The following GP6 variants were observed in gnomAD, a reference collection of about 807,000 sequenced individuals.
GP6 encodes platelet glycoprotein VI.
In GP6, 45 loss-of-function variants were observed where a neutral mutation model predicts 37.3. That is an observed-to-expected ratio of 1.21 (90% CI 0.95 to 1.55). The LOEUF (loss-of-function observed/expected upper bound fraction) is 1.55. Among genes scored for constraint, GP6 ranks in the 40% most tolerant of loss-of-function variants. The pLI is 0.00. For missense variants in GP6, 813 were observed against 760.2 expected (o/e 1.07, Z -0.82); for synonymous variants, 340 against 316.4 (o/e 1.07, Z -0.79).
chr19:55,024,354 A>ACACACATGCACG (rs1568613560), intron 5 of GP6, among the ~76,000 whole-genome samples: 6 of 123,690 alleles, frequency 4.9e-5, no homozygotes, highest in Non-Finnish European at 7.7e-5. Flanking sequence ...ACATGCACGC[A>ACACACATGCACG]CACACACATA....
chr19:55,015,219 C>T, intron 7 of GP6, 54 bp from the exon 8 acceptor site: 3 of 1,549,980 alleles, frequency 1.9e-6, no homozygotes, highest in Non-Finnish European at 2.6e-6. Context: ...TCCAGGACCC[C>T]CTCCAAGCCA....
intron 1 of GP6, among the ~76,000 whole-genome samples, chr19:55,033,756 G>A (rs1337206973): frequency 1.3e-5 from 2 of 152,044 alleles, no homozygotes; most frequent in Non-Finnish European, 2.9e-5. Flanking sequence ...TGTAATATAT[G>A]CGATAAAACC....
rs749686530 is a variant in GP6, at chr19:55,032,339, T to C, written c.125A>G (p.Lys42Arg). 3.1e-6 allele frequency: 5 copies of C among 1,614,026 alleles called. No homozygotes were observed. In the East Asian group the frequency reaches 8.9e-5, roughly 29 times the overall value. Residue 42 changes from lysine (K) to arginine (R), a missense_variant, in exon 3 of 8, where the codon AAG becomes AGG. Lys to Arg is a conservative substitution (Grantham distance 26). Transcript: ENST00000310373. Reference sequence around the variant, plus strand: ...TCCCTGGCACCGGAGGGTCACTGGCTTCTCCAGGGGCACCAGGGAGCTGGG... The same window carrying C: ...TCCCTGGCACCGGAGGGTCACTGGCCTCTCCAGGGGCACCAGGGAGCTGGG...
chr19:55,024,318 A>ACACATG (rs1568613039), intron 5 of GP6, among the ~76,000 whole-genome samples: 1 of 124,046 alleles, frequency 8.1e-6, no homozygotes, highest in Admixed American at 8.4e-5. Flanking sequence ...ATATGCACGC[A>ACACATG]CACACACATA....
chr19:55,032,110 G>A, intron 3 of GP6, 29 bp downstream of exon 3: 1 of 1,610,490 alleles, frequency 6.2e-7, no homozygotes, highest in South Asian at 1.1e-5. Flanking sequence ...GGACCACGCA[G>A]TCCCAGGCTC....
At position 55,032,194 on chromosome 19, in the gene GP6, G is replaced by C. The variant is rs1187010089; in HGVS notation, c.270C>G (p.Tyr90Ter). ...GCAGGGACCAGAGGCTTCCGTTCTG[G>C]TAGGAGCAGCGGTAGCGTCCAGCCA... The change falls in exon 3 of 8, where the codon TAC becomes TAG. Residue 90 changes from tyrosine to a stop codon, truncating the protein, a stop_gained. Coordinates refer to ENST00000310373, the MANE Select transcript of GP6 (RefSeq NM_001083899.2). LOFTEE classifies it high-confidence loss of function. The C allele has an allele frequency of 5.0e-6, 8 of 1,614,028 alleles. No individual in the cohort carries two copies. In the East Asian group the frequency reaches 1.6e-4, roughly 31 times the overall value.
intron 3 of GP6, among the ~76,000 whole-genome samples, 178 bp downstream of exon 3, chr19:55,031,961 A>T (rs2074573140): frequency 6.6e-6 from 1 of 152,184 alleles, no homozygotes; most frequent in South Asian, 2.1e-4. Context: ...TGACGCAGCA[A>T]GACCCTGTGT....
At chr19:55,020,257 G>A (rs913834784) in intron 5 of GP6, among the ~76,000 whole-genome samples, 5 of 150,402 alleles carry the variant, frequency 3.3e-5, no homozygotes, top group Non-Finnish European at 7.4e-5. Flanking sequence ...TGTGCAGGAC[G>A]TGCAGGTTTG....
At chr19:55,026,912 C>T (rs2074326930) in intron 4 of GP6, among the ~76,000 whole-genome samples, 1 of 151,936 alleles carries the variant, frequency 6.6e-6, no homozygotes, top group African/African-American at 2.4e-5. Flanking sequence ...CCTCCATTCT[C>T]CCAGCTGCCT....
Position 55,013,861 on chromosome 19 carries a change from G to A in GP6, c.*221C>T. 1 of 352,008 alleles carries A rather than the reference G, an allele frequency of 2.8e-6. No individual in the cohort carries two copies. The highest frequency in any genetic ancestry group is 2.2e-5 in the South Asian group (1 of 45,460). The allele number at this position is 352,008 out of a possible 1,614,324, so 21.8% of individuals were successfully genotyped here. A position where few individuals can be genotyped will look rare whatever the true frequency, so the allele number is the denominator to read the frequency against. On this transcript the variant is annotated 3_prime_UTR_variant, in exon 8 of 8. Transcript: ENST00000310373. ...ATGATCCACTGCACTTGGCCCAGTG[G>A]TACAGTTTTACACTCATTAGATGGT... is the stretch of plus-strand genomic sequence containing the variant.
chr19:55,018,750 C>G, intron 5 of GP6, 39 bp from the exon 6 acceptor site: 1 of 1,375,224 alleles, frequency 7.3e-7, no homozygotes, highest in Non-Finnish European at 1.0e-6. Context: ...CCCCGTGGTT[C>G]CCTATATCCT....
chr19:55,019,490 C>T (rs969645404), intron 5 of GP6, among the ~76,000 whole-genome samples: 19 of 152,126 alleles, frequency 1.2e-4, no homozygotes, highest in Non-Finnish European at 2.5e-4. Context: ...ACTTCTTGTC[C>T]GTTTGTTTTG....
chr19:55,019,102 T>C (rs147804806), intron 5 of GP6, among the ~76,000 whole-genome samples: 3,410 of 80,372 alleles, frequency 0.042, 57 homozygotes, highest in Non-Finnish European at 0.062. Context: ...TTCTTTCTTT[T>C]TTTTCTTTTT....
intron 6 of GP6, among the ~76,000 whole-genome samples, chr19:55,018,237 G>A (rs558833918): frequency 2.0e-5 from 3 of 152,180 alleles, no homozygotes; most frequent in East Asian, 1.9e-4. Context: ...TGAGGAAAGC[G>A]TATCTGCAGA....
rs1361287136 is a variant in GP6, at chr19:55,015,149, G to A, written c.796C>T (p.Leu266=). Residue 266 remains leucine, a synonymous_variant, in exon 8 of 8, where the codon CTA becomes TTA. Transcript: ENST00000310373. ...TCCGGACCAGGTTGCCCTTGGTGTA[G>A]TACTGGCGGGCAGGACCTGGAGGAA... 6.4e-7 allele frequency: 1 copy of A among 1,563,954 alleles called. No homozygotes were observed. Among genetic ancestry groups the A allele is most frequent in the Non-Finnish European group, 8.7e-7 (1 of 1,153,510 alleles).
chr19:55,032,595 C>G (rs565074861), intron 1 of GP6, 57 bp from the exon 2 acceptor site: 1 of 1,581,178 alleles, frequency 6.3e-7, no homozygotes, highest in African/African-American at 1.3e-5. Flanking sequence ...ACATTCCTGC[C>G]TGCTGGGCGC....
chr19:55,029,209 T>A (rs2074424213), intron 3 of GP6, among the ~76,000 whole-genome samples: 1 of 96,916 alleles, frequency 1.0e-5, no homozygotes, highest in African/African-American at 3.2e-5. Context: ...TAAGCAACTA[T>A]TATGTGTCTG....
intron 6 of GP6, among the ~76,000 whole-genome samples, chr19:55,017,396 G>T (rs2073915645): frequency 6.6e-6 from 1 of 152,034 alleles, no homozygotes; most frequent in African/African-American, 2.4e-5. Context: ...CAGACAAAGC[G>T]ATAATTTTAA....
Position 55,027,738 on chromosome 19 carries a change from G to C in GP6, c.450C>G (p.Asp150Glu), listed in dbSNP as rs571307915. ...TCTCGGGATTCTTGTAGGGCGCAGG[G>C]TCCCCTTCCTTGTACAGAGCAAATT... is the stretch of plus-strand genomic sequence containing the variant. Residue 150 changes from aspartate (D) to glutamate (E), a missense_variant, in exon 4 of 8, where the codon GAC becomes GAG. Physicochemically the swap from Asp to Glu is conservative, Grantham distance 45. Transcript: ENST00000310373. 6.2e-7 allele frequency: 1 copy of C among 1,613,800 alleles called. No homozygotes were observed. The highest frequency in any genetic ancestry group is 2.2e-5 in the East Asian group (1 of 44,882).
Sources: gnomAD v4.1 joint callset for allele counts (sites outside exome capture counted in the v4.1 genomes callset) on GRCh38, gnomAD v4.1.1 for gene constraint, MANE v1.5 for transcripts, NCBI Gene and HGNC (gene_info 2026-07-23, HGNC 2026-07-21) for gene names.